CTDP1: variants seen among roughly 807,000 people sequenced by gnomAD.
CTDP1 encodes CTD phosphatase 1, also known as RNA polymerase II subunit A C-terminal domain phosphatase.
Under a neutral mutation model 91.8 loss-of-function variants are expected in CTDP1, and 47 were observed. The observed-to-expected ratio is 0.51, with a 90% confidence interval of 0.41 to 0.65. The LOEUF is 0.65. Among genes scored for constraint, CTDP1 ranks in the 30% least tolerant of loss-of-function variants. The probability of loss-of-function intolerance (pLI) is 0.00; values close to 1 mark genes in which losing one functional copy is unlikely to be tolerated. For synonymous variants in CTDP1, 656 were observed against 598.5 expected (o/e 1.10, Z -1.40); for missense variants, 1,272 against 1,373.7 (o/e 0.93, Z 1.17).
intron 3 of CTDP1, among the ~76,000 whole-genome samples, chr18:79,696,788 G>A (rs910705979): frequency 1.3e-5 from 2 of 152,176 alleles, no homozygotes; most frequent in African/African-American, 4.8e-5. Flanking sequence ...GAGTTGCTGG[G>A]GCACTGTGGG....
chr18:79,715,486 G>A lies in CTDP1; in HGVS notation c.2026G>A (p.Asp676Asn), dbSNP rs1054633467. Residue 676 changes from aspartate to asparagine, a missense_variant, in exon 8 of 13, where the codon GAC (aspartate) becomes AAC (asparagine). By Grantham distance (23) the Asp-to-Asn change is conservative. This residue lies in a region of CTDP1 where 881 missense variants were observed against 911.6 expected (regional missense o/e 0.97). Coordinates refer to ENST00000613122, the MANE Select transcript of CTDP1 (RefSeq NM_004715.5). ...CCTCACTCGGCTGGTGCTGAGCCCC[G>A]ACGCCCCTGACAGGGCCACGCACCT... ...KILTRLVLSP[D>N]APDRATHLIA... 37 of 1,575,630 alleles carry A rather than the reference G, an allele frequency of 2.3e-5. No homozygotes were observed. Among genetic ancestry groups the A allele is most frequent in the Admixed American group, 9.1e-5 (5 of 55,156 alleles).
In CTDP1 at chr18:79,696,980, C is replaced by T. The variant is rs745838278; in HGVS notation, c.493-880C>T. On this transcript the variant is annotated intron_variant, in intron 3 of 12. Transcript: ENST00000613122. ...TCCAGTGTTACGATTTTAGTAAATT[C>T]GTGCTTTTAAATGATGGACACCAAT... 3.9e-5 allele frequency among the ~76,000 whole-genome samples: 6 copies of T among 152,172 alleles called. No homozygotes were observed. In the East Asian group the frequency reaches 5.8e-4, roughly 15 times the overall value.
In CTDP1 at chr18:79,717,560, G is replaced by A. The variant is rs2086240705; in HGVS notation, c.2094G>A (p.Gln698=). ...GCACAGAGAAGGTGCTGCAGGCACA[G>A]GAGTGCGGACACCTGCACGTGGTCA... The part of the protein sequence containing the change: ...RAGTEKVLQA[Q]ECGHLHVVNP... The change falls in exon 9 of 13, where the codon CAG becomes CAA. Residue 698 remains glutamine (Q), a synonymous_variant. Coordinates refer to ENST00000613122, the MANE Select transcript of CTDP1 (RefSeq NM_004715.5). 2 of 1,613,614 alleles carry A rather than the reference G, an allele frequency of 1.2e-6. No homozygotes were observed. The highest frequency in any genetic ancestry group is 1.3e-5 in the African/African-American group (1 of 74,906).
Position 79,697,840 on chromosome 18 carries a change from T to A in CTDP1, c.493-20T>A, listed in dbSNP as rs1170142845. 6.2e-7 allele frequency: 1 copy of A among 1,614,172 alleles called. No homozygotes were observed. Among genetic ancestry groups the A allele is most frequent in the Non-Finnish European group, 8.5e-7 (1 of 1,180,018 alleles). ...GCAAACATACTGACTTTGTCATTTC[T>A]TGTTTCTTTTTAATTGTAGCAAGCT... is the stretch of plus-strand genomic sequence containing the variant. On this transcript the variant is annotated intron_variant, in intron 3 of 12. Transcript: ENST00000613122.
chr18:79,698,756 T>G (rs1212750235), intron 4 of CTDP1, among the ~76,000 whole-genome samples: 1 of 149,544 alleles, frequency 6.7e-6, no homozygotes, highest in East Asian at 2.0e-4. Flanking sequence ...CCATCAGTTC[T>G]GACCTTACCA....
chr18:79,720,528 C>G lies in CTDP1; in HGVS notation c.2417+2512C>G, dbSNP rs2086322567. On this transcript the variant is annotated intron_variant, in intron 10 of 12. Transcript: ENST00000613122. ...TCGTGTCCTAGTGATGATGTCACCA[C>G]CCGTCATTAGCGCATTCTGGTGATG... Among the ~76,000 whole-genome samples, 6 of 147,354 alleles carry G rather than the reference C, an allele frequency of 4.1e-5. No individual in the cohort carries two copies. The South Asian group carries it at 1.3e-3, about 32-fold the overall frequency.
intron 11 of CTDP1, among the ~76,000 whole-genome samples, chr18:79,735,147 C>T (rs937350922): frequency 5.3e-5 from 8 of 151,990 alleles, no homozygotes; most frequent in African/African-American, 1.9e-4. Context: ...ACTCTGGACT[C>T]GGCCTCGACT....
intron 10 of CTDP1, among the ~76,000 whole-genome samples, chr18:79,728,136 G>A (rs888800882): frequency 6.6e-6 from 1 of 151,886 alleles, no homozygotes; most frequent in Non-Finnish European, 1.5e-5. Context: ...GTCTTGCTCT[G>A]TTGCCCAGGC....
At chr18:79,748,649 C>G (rs1387993726) in intron 12 of CTDP1, among the ~76,000 whole-genome samples, 1 of 152,234 alleles carries the variant, frequency 6.6e-6, no homozygotes, top group Non-Finnish European at 1.5e-5. Context: ...TAGCACAGCC[C>G]CAGACCACAG....
intron 5 of CTDP1, among the ~76,000 whole-genome samples, chr18:79,709,189 G>A (rs2122588210): frequency 6.6e-6 from 1 of 152,274 alleles, no homozygotes; most frequent in South Asian, 2.1e-4. Context: ...AGGTTGTTTT[G>A]TTTTTGTTTA....
At chr18:79,719,113 G>A (rs577807016) in intron 10 of CTDP1, among the ~76,000 whole-genome samples, 39 of 152,346 alleles carry the variant, frequency 2.6e-4, no homozygotes, top group Middle Eastern at 3.4e-3. Flanking sequence ...CAGGCACCGC[G>A]GCAAAGCCCA....
In CTDP1 at chr18:79,753,749, A is replaced by G; in HGVS notation, c.2845A>G (p.Met949Val). The change falls in exon 13 of 13, where the codon ATG (methionine) becomes GTG (valine). Residue 949 changes from methionine (M) to valine (V), a missense_variant. This residue lies in a region of CTDP1 where 881 missense variants were observed against 911.6 expected (regional missense o/e 0.97). Transcript: ENST00000613122. Reference sequence around the variant, plus strand: ...GGGCAGCAGCTCCGAGGCCGACGAGATGGCCAAGGCGCTGGAGGCGGAGCT... The same window carrying G: ...GGGCAGCAGCTCCGAGGCCGACGAGGTGGCCAAGGCGCTGGAGGCGGAGCT... The part of the protein sequence containing the change: ...DEGSSSEADE[M>V]AKALEAELND... 1 of 1,613,902 alleles carries G rather than the reference A, an allele frequency of 6.2e-7. No homozygotes were observed. The highest frequency in any genetic ancestry group is 1.3e-5 in the African/African-American group (1 of 75,032).
intron 11 of CTDP1, chr18:79,736,046 A>T (rs930508458): frequency 2.5e-6 from 1 of 400,264 alleles, no homozygotes; most frequent in South Asian, 3.2e-5. Context: ...TATTCTGATT[A>T]TTCACCATAA....
At chr18:79,747,808 A>G (rs1046650375) in intron 12 of CTDP1, among the ~76,000 whole-genome samples, 14 of 152,164 alleles carry the variant, frequency 9.2e-5, no homozygotes, top group Admixed American at 6.5e-5. Context: ...CCACGCTGGC[A>G]GTGGCCACGG....
intron 5 of CTDP1, among the ~76,000 whole-genome samples, chr18:79,708,426 A>G (rs1404568192): frequency 1.3e-5 from 2 of 152,254 alleles, no homozygotes; most frequent in East Asian, 1.9e-4. Context: ...CGTGAAAACA[A>G]TAGTGATTAT....
rs2087053320 is a variant in CTDP1 at position 79,753,933 on chromosome 18, T to C, written c.*143T>C. On this transcript the variant is annotated 3_prime_UTR_variant, in exon 13 of 13. Transcript: ENST00000613122. ...CAGAGCTCCACATACAGAAACACAT[T>C]ATTTTGCAGAAATAGGTGTTTTTAA... 3 of 1,165,188 alleles carry C rather than the reference T, an allele frequency of 2.6e-6. No homozygotes were observed. The highest frequency in any genetic ancestry group is 3.6e-6 in the Non-Finnish European group (3 of 827,248). 72.2% of individuals were successfully genotyped at this position (1,165,188 alleles called of 1,614,324 possible).
At position 79,753,878 on chromosome 18, in the gene CTDP1, T is replaced by C; in HGVS notation, c.*88T>C. 1 of 1,512,556 alleles carries C rather than the reference T, an allele frequency of 6.6e-7. No homozygotes were observed. Among genetic ancestry groups the C allele is most frequent in the Non-Finnish European group, 9.0e-7 (1 of 1,112,336 alleles). 93.7% of individuals were successfully genotyped at this position (1,512,556 alleles called of 1,614,324 possible). A position where few individuals can be genotyped will look rare whatever the true frequency, so the allele number is the denominator to read the frequency against. On this transcript the variant is annotated 3_prime_UTR_variant, in exon 13 of 13. Coordinates refer to ENST00000613122, the MANE Select transcript of CTDP1 (RefSeq NM_004715.5). ...ACCAGCCCTCAGTCTCGGTCCACGC[T>C]GCTTTCTTCCCAAAGGACATGTATA... is the stretch of plus-strand genomic sequence containing the variant.
intron 2 of CTDP1, 89 bp downstream of exon 2, chr18:79,695,397 T>C: frequency 1.6e-6 from 2 of 1,214,144 alleles, no homozygotes; most frequent in South Asian, 1.2e-5. Flanking sequence ...GGGAACACAG[T>C]GAGGCCCTTG....
intron 3 of CTDP1, among the ~76,000 whole-genome samples, chr18:79,696,544 G>C (rs2085752070): frequency 1.3e-5 from 2 of 152,170 alleles, no homozygotes; most frequent in Non-Finnish European, 2.9e-5. Flanking sequence ...GACGTGGTTG[G>C]TAGCACCTTG....
Sources: gnomAD v4.1 joint callset for allele counts (sites outside exome capture counted in the v4.1 genomes callset) on GRCh38, gnomAD v4.1.1 for gene constraint, gnomAD v4.1.1 regional missense constraint, MANE v1.5 for transcripts, NCBI Gene and HGNC (gene_info 2026-07-23, HGNC 2026-07-21) for gene names.